The following MTHFD1L variants were observed in gnomAD, a reference collection of about 807,000 sequenced individuals.
The protein encoded by MTHFD1L is methylenetetrahydrofolate dehydrogenase (NADP+ dependent) 1 like.
A neutral mutation model predicts 119.5 loss-of-function variants in MTHFD1L; 81 were observed. The ratio of observed to expected loss-of-function variants is 0.68; its 90% CI spans 0.57 to 0.82. The LOEUF (loss-of-function observed/expected upper bound fraction) is 0.82, where lower values mean the gene tolerates loss of function less well. Ranked by LOEUF, MTHFD1L falls within the 40% of genes least tolerant of loss-of-function variation. MTHFD1L has a pLI of 0.00. For missense variants in MTHFD1L, 1,125 were observed against 1,253.4 expected (o/e 0.90, Z 1.55); for synonymous variants, 430 against 475.2 (o/e 0.90, Z 1.24).
intron 20 of MTHFD1L, among the ~76,000 whole-genome samples, chr6:151,004,311 T>G (rs922570161): frequency 6.6e-6 from 1 of 152,142 alleles, no homozygotes; most frequent in Non-Finnish European, 1.5e-5. Context: ...GGCAACAGAA[T>G]GAGACTCCAT....
intron 8 of MTHFD1L, chr6:150,912,857 A>G (rs1203100732): frequency 1.6e-5 from 4 of 251,164 alleles, no homozygotes; most frequent in East Asian, 1.0e-4. Context: ...CAACCTCCCA[A>G]TGGAGTCCTG....
At chr6:150,883,037 ATT>A (rs763165853) in intron 5 of MTHFD1L, 151 bp downstream of exon 5, 726 of 608,642 alleles carry the variant, frequency 1.2e-3, no homozygotes, top group Middle Eastern at 1.6e-3. Flanking sequence ...AGTCTATAGG[ATT>A]TTTTTTTTTT....
Position 150,865,760 on chromosome 6 carries a change from A to T in MTHFD1L, c.-63A>T. ...CGCCGCCGCCGCCTGCTCCCCTGGC[A>T]CGCGCCCCGCCGCCCTCGGCAGCCG... On this transcript the variant is annotated 5_prime_UTR_variant, in exon 1 of 28. Coordinates refer to ENST00000367321, the MANE Select transcript of MTHFD1L (RefSeq NM_015440.5). 1 of 1,202,098 alleles carries T rather than the reference A, an allele frequency of 8.3e-7. No individual in the cohort carries two copies. The highest frequency in any genetic ancestry group is 1.0e-6 in the Non-Finnish European group (1 of 966,402). 74.5% of individuals were successfully genotyped at this position (1,202,098 alleles called of 1,614,324 possible).
intron 20 of MTHFD1L, among the ~76,000 whole-genome samples, chr6:150,994,094 A>AAAGAAAGTAAGT (rs1482239065): frequency 8.4e-5 from 10 of 119,608 alleles, no homozygotes; most frequent in African/African-American, 2.9e-4. Flanking sequence ...AGAAAGAAAG[A>AAAGAAAGTAAGT]AAGTGACCCA....
At chr6:151,051,429 C>T (rs1789014867) in intron 26 of MTHFD1L, among the ~76,000 whole-genome samples, 1 of 152,162 alleles carries the variant, frequency 6.6e-6, no homozygotes, top group Non-Finnish European at 1.5e-5. Flanking sequence ...TATAGATTAG[C>T]TCATCACTCC....
chr6:150,954,296 C>A (rs1409338102), intron 16 of MTHFD1L, among the ~76,000 whole-genome samples: 1 of 152,172 alleles, frequency 6.6e-6, no homozygotes, highest in Non-Finnish European at 1.5e-5. Flanking sequence ...TTAACAAAGT[C>A]AGTGTACTGG....
chr6:151,099,857 T>C, intron 27 of MTHFD1L: 1 of 1,592,586 alleles, frequency 6.3e-7, no homozygotes, highest in Non-Finnish European at 8.5e-7. Context: ...CGCAAAGCCA[T>C]CGTGGAAAGA....
chr6:150,929,413 G>C (rs1562399150), intron 11 of MTHFD1L, among the ~76,000 whole-genome samples: 1 of 152,204 alleles, frequency 6.6e-6, no homozygotes, highest in Admixed American at 6.5e-5. Flanking sequence ...TCCTGCAGCA[G>C]ATTTTCTTAT....
chr6:150,893,587 A>G (rs1233464566), intron 7 of MTHFD1L, among the ~76,000 whole-genome samples: 2 of 152,118 alleles, frequency 1.3e-5, no homozygotes, highest in Non-Finnish European at 2.9e-5. Flanking sequence ...CCATCCCCTC[A>G]ACACATACCT....
In MTHFD1L at chr6:150,926,881, A is replaced by G. The variant is rs957333957; in HGVS notation, c.1256+586A>G. 6.6e-6 allele frequency among the ~76,000 whole-genome samples: 1 copy of G among 152,020 alleles called. No individual in the cohort carries two copies. Among genetic ancestry groups the G allele is most frequent in the Admixed American group, 6.6e-5 (1 of 15,254 alleles). ...TGTTTGCCTTTTTCCCCTTCTTTTT[A>G]AAAAAAGAAGTACATTCACTAGCTG... On this transcript the variant is annotated intron_variant, in intron 11 of 27. Transcript: ENST00000367321. The surrounding 1 kb of genome is among the most constrained non-coding windows in gnomAD (Gnocchi z 4.3).
intron 17 of MTHFD1L, among the ~76,000 whole-genome samples, chr6:150,958,900 G>A (rs768606317): frequency 6.6e-5 from 10 of 152,058 alleles, no homozygotes; most frequent in Admixed American, 1.3e-4. Flanking sequence ...TTTTGTAATT[G>A]TAACAATTAC....
At chr6:151,032,143 A>C (rs558111095) in intron 24 of MTHFD1L, among the ~76,000 whole-genome samples, 1 of 152,204 alleles carries the variant, frequency 6.6e-6, no homozygotes, top group Non-Finnish European at 1.5e-5. Flanking sequence ...TTATCTGACT[A>C]TTTATGCCAT....
intron 20 of MTHFD1L, among the ~76,000 whole-genome samples, chr6:150,997,686 GA>G (rs1180050882): frequency 6.6e-6 from 1 of 152,076 alleles, no homozygotes; most frequent in African/African-American, 2.4e-5. Context: ...AGCTGCTCAG[GA>G]GGCTGAGGTG....
At position 150,865,721 on chromosome 6, in the gene MTHFD1L, C is replaced by CCCGCCGCCGCCGCCGCCGCCG. The variant is rs71014527; in HGVS notation, c.-96_-76dup. 2.0e-5 allele frequency: 19 copies of CCCGCCGCCGCCGCCGCCGCCG among 967,316 alleles called. No homozygotes were observed. In the African/African-American group the frequency reaches 3.0e-4, roughly 15 times the overall value. 59.9% of individuals were successfully genotyped at this position (967,316 alleles called of 1,614,324 possible). A position where few individuals can be genotyped will look rare whatever the true frequency, so the allele number is the denominator to read the frequency against. On this transcript the variant is annotated 5_prime_UTR_variant, in exon 1 of 28. Coordinates refer to ENST00000367321, the MANE Select transcript of MTHFD1L (RefSeq NM_015440.5). ...GACGAGGAGGAAGCGCCAGGTCCTT[C>CCCGCCGCCGCCGCCGCCGCCG]CCGCCGCCGCCGCCGCCGCCGCCGC...
At chr6:150,960,453 G>A (rs747846421) in intron 18 of MTHFD1L, 38 bp downstream of exon 18, 40 of 1,571,772 alleles carry the variant, frequency 2.5e-5, no homozygotes, top group South Asian at 3.5e-5. Flanking sequence ...GGGAGTGGAC[G>A]GTCCTCGTTC....
chr6:150,877,259 C>T (rs1268899329), intron 2 of MTHFD1L, among the ~76,000 whole-genome samples: 2 of 152,110 alleles, frequency 1.3e-5, no homozygotes, highest in African/African-American at 2.4e-5. Context: ...CACCATGTTG[C>T]CCAGGCTGGT....
At chr6:151,084,221 C>G (rs936376283) in intron 26 of MTHFD1L, among the ~76,000 whole-genome samples, 4 of 152,092 alleles carry the variant, frequency 2.6e-5, no homozygotes, top group Non-Finnish European at 4.4e-5. Context: ...AAGGTGCTAC[C>G]AAAGAAGACA....
chr6:151,025,533 G>A (rs2128510968), intron 24 of MTHFD1L, among the ~76,000 whole-genome samples: 1 of 152,298 alleles, frequency 6.6e-6, no homozygotes, highest in Non-Finnish European at 1.5e-5. Flanking sequence ...CATTTAAAAT[G>A]CAAAATACGA....
At position 151,009,804 on chromosome 6, in the gene MTHFD1L, C is replaced by T. The variant is rs747209759; in HGVS notation, c.2126-15C>T. 3.7e-6 allele frequency: 6 copies of T among 1,613,178 alleles called. No individual in the cohort carries two copies. Among genetic ancestry groups the T allele is most frequent in the Non-Finnish European group, 4.2e-6 (5 of 1,179,688 alleles). ...TTAGAAGATAATAGCACATATTCCACTTGCTTCCCCACAGTGACCGAAGCT... is the reference window on the plus strand; with the variant it reads ...TTAGAAGATAATAGCACATATTCCATTTGCTTCCCCACAGTGACCGAAGCT... On this transcript the variant is annotated splice_polypyrimidine_tract_variant and intron_variant, in intron 20 of 27. Transcript: ENST00000367321.
Sources: gnomAD v4.1 joint callset for allele counts (sites outside exome capture counted in the v4.1 genomes callset) on GRCh38, gnomAD v4.1.1 for gene constraint, Gnocchi (gnomAD v3.1) non-coding constraint, MANE v1.5 for transcripts, NCBI Gene and HGNC (gene_info 2026-07-23, HGNC 2026-07-21) for gene names.